GRM1: variants seen among roughly 807,000 people sequenced by gnomAD.
GRM1 encodes the protein metabotropic glutamate receptor 1.
Under a neutral mutation model 90.9 loss-of-function variants are expected in GRM1, and 33 were observed. The observed-to-expected ratio is 0.36, with a 90% confidence interval of 0.28 to 0.49. GRM1 has a LOEUF of 0.49. Ranked by LOEUF, GRM1 falls within the 20% of genes least tolerant of loss-of-function variation. The probability of loss-of-function intolerance (pLI) is 0.99; values close to 1 mark genes in which losing one functional copy is unlikely to be tolerated. For missense variants in GRM1, 1,190 were observed against 1,534.3 expected, an observed-to-expected ratio of 0.78 and a Z score of 3.75; for synonymous variants, 700 against 613.2, an observed-to-expected ratio of 1.14 and a Z score of -2.09.
At chr6:146,335,791 G>C (rs1226533175) in intron 3 of GRM1, among the ~76,000 whole-genome samples, 1 of 152,118 alleles carries the variant, frequency 6.6e-6, no homozygotes, top group Admixed American at 6.5e-5. Context: ...GTTTGGCTGT[G>C]TCCCCACCCA....
intron 1 of GRM1, among the ~76,000 whole-genome samples, chr6:146,069,108 A>G (rs902989670): frequency 6.6e-6 from 1 of 152,194 alleles, no homozygotes; most frequent in African/African-American, 2.4e-5. Flanking sequence ...GACTTTTGAA[A>G]TATAGAGATT....
At chr6:146,219,536 C>G (rs1357667764) in intron 2 of GRM1, among the ~76,000 whole-genome samples, 1 of 151,532 alleles carries the variant, frequency 6.6e-6, no homozygotes, top group Non-Finnish European at 1.5e-5. Context: ...GGATGTCAAC[C>G]AGCCACTTAA....
Position 146,235,197 on chromosome 6 carries a change from A to G in GRM1, c.951-69414A>G, listed in dbSNP as rs1780595748. Among the ~76,000 whole-genome samples the G allele has an allele frequency of 1.3e-5, 2 of 152,116 alleles. 1 individual carries two copies. Among genetic ancestry groups the G allele is most frequent in the South Asian group, 4.1e-4 (2 of 4,832 alleles). The stretch of plus-strand genomic sequence containing the variant: ...TTGAAAAATATTTTCACAGGGCATA[A>G]AATTCTCACTTGACCATTTTTTTGT... On this transcript the variant is annotated intron_variant, in intron 2 of 7. Transcript: ENST00000282753.
chr6:146,175,827 T>C (rs1185645358), intron 2 of GRM1, among the ~76,000 whole-genome samples: 1 of 152,112 alleles, frequency 6.6e-6, no homozygotes, highest in Non-Finnish European at 1.5e-5. Context: ...TGATAGGGTA[T>C]GGGTTACATT....
intron 2 of GRM1, among the ~76,000 whole-genome samples, chr6:146,188,901 T>A (rs1053663160): frequency 3.9e-5 from 6 of 152,204 alleles, no homozygotes; most frequent in African/African-American, 1.4e-4. Flanking sequence ...GCCCTCACGT[T>A]TTTTATCAGT....
At chr6:146,107,583 T>C (rs1775361241) in intron 1 of GRM1, among the ~76,000 whole-genome samples, 1 of 152,218 alleles carries the variant, frequency 6.6e-6, no homozygotes, top group African/African-American at 2.4e-5. Context: ...TGAGCTCTCC[T>C]GGGAACTCAA....
intron 1 of GRM1, among the ~76,000 whole-genome samples, chr6:146,142,964 G>A (rs1776943779): frequency 6.6e-6 from 1 of 152,114 alleles, no homozygotes; most frequent in Admixed American, 6.5e-5. Context: ...AAAGAAAGTA[G>A]TCTCCCATCA....
chr6:146,147,842 C>T (rs1405992587), intron 1 of GRM1, among the ~76,000 whole-genome samples: 1 of 152,014 alleles, frequency 6.6e-6, no homozygotes, highest in Non-Finnish European at 1.5e-5. Context: ...AATAAATCTA[C>T]ATCTCCCAAA....
chr6:146,275,837 A>G (rs1424014847), intron 2 of GRM1, among the ~76,000 whole-genome samples: 1 of 152,216 alleles, frequency 6.6e-6, no homozygotes, highest in Non-Finnish European at 1.5e-5. Context: ...TTATCATTCC[A>G]TATAATTTAT....
chr6:146,359,484 C>T (rs1775376597), intron 5 of GRM1, among the ~76,000 whole-genome samples: 1 of 152,176 alleles, frequency 6.6e-6, no homozygotes, highest in South Asian at 2.1e-4. Flanking sequence ...TACTGGGAAA[C>T]AGTTTTTGGA....
intron 2 of GRM1, among the ~76,000 whole-genome samples, chr6:146,243,063 A>T (rs1241340737): frequency 6.6e-6 from 1 of 152,246 alleles, no homozygotes; most frequent in East Asian, 1.9e-4. Flanking sequence ...GGCAGCAGCA[A>T]CAAACCTTTC....
chr6:146,341,657 T>C (rs149771144), intron 3 of GRM1, among the ~76,000 whole-genome samples: 2 of 152,300 alleles, frequency 1.3e-5, no homozygotes, highest in Admixed American at 6.5e-5. Flanking sequence ...CCCAAAGCAC[T>C]AAGAAAGTTC....
intron 5 of GRM1, among the ~76,000 whole-genome samples, chr6:146,383,180 C>A (rs1162019575): frequency 6.6e-6 from 1 of 152,148 alleles, no homozygotes; most frequent in Non-Finnish European, 1.5e-5. Flanking sequence ...ATTTTTAATT[C>A]TGTATTAAAG....
chr6:146,357,616 T>G lies in GRM1; in HGVS notation c.1524T>G (p.Asp508Glu), dbSNP rs368772965. ...GTWHEGVLNI[D>E]DYKIQMNKSG... ...GGCATGAAGGAGTGCTGAACATTGA[T>G]GATTACAAAATCCAGATGAACAAGA... Residue 508 changes from aspartate (D) to glutamate (E), a missense_variant, in exon 5 of 8, where the codon GAT (aspartate) becomes GAG (glutamate). This residue lies in a region of GRM1 where 414 missense variants were observed against 598.4 expected (regional missense o/e 0.69). Transcript: ENST00000282753. 1.6e-5 allele frequency: 26 copies of G among 1,613,920 alleles called. No individual in the cohort carries two copies. The highest frequency in any genetic ancestry group is 1.9e-5 in the Non-Finnish European group (22 of 1,179,880).
intron 3 of GRM1, among the ~76,000 whole-genome samples, chr6:146,317,840 G>A (rs547797135): frequency 6.6e-6 from 1 of 152,122 alleles, no homozygotes; most frequent in Non-Finnish European, 1.5e-5. Context: ...TTGTAGTCAA[G>A]CCAGTTATTA....
At chr6:146,142,432 T>C (rs1387820645) in intron 1 of GRM1, among the ~76,000 whole-genome samples, 1 of 152,038 alleles carries the variant, frequency 6.6e-6, no homozygotes, top group African/African-American at 2.4e-5. Flanking sequence ...TTTGCTGGGC[T>C]CACAATTGGT....
intron 2 of GRM1, among the ~76,000 whole-genome samples, chr6:146,299,782 C>T (rs1783308669): frequency 6.6e-6 from 1 of 152,148 alleles, no homozygotes; most frequent in Admixed American, 6.6e-5. Flanking sequence ...AAACCCTGGC[C>T]TCCCTAGCTT....
chr6:146,177,664 A>T (rs1019488348), intron 2 of GRM1, among the ~76,000 whole-genome samples: 2 of 151,836 alleles, frequency 1.3e-5, no homozygotes, highest in South Asian at 2.1e-4. Context: ...CCTTCACTGA[A>T]TTTTTTTTCT....
chr6:146,373,708 A>G (rs1306763908), intron 5 of GRM1, among the ~76,000 whole-genome samples: 1 of 152,058 alleles, frequency 6.6e-6, no homozygotes, highest in African/African-American at 2.4e-5. Context: ...TTGTATGTTG[A>G]TTTTGTATCC....
Sources: allele counts gnomAD v4.1 joint callset (sites outside exome capture counted in the v4.1 genomes callset), GRCh38; gene constraint gnomAD v4.1.1; regional missense constraint gnomAD v4.1.1; transcripts MANE v1.5; gene names NCBI Gene and HGNC (gene_info 2026-07-23, HGNC 2026-07-21).